MEGF11: variants seen among roughly 807,000 people sequenced by gnomAD.
The protein encoded by MEGF11 is multiple EGF like domains 11.
Under a neutral mutation model 146.6 loss-of-function variants are expected in MEGF11, and 126 were observed. The ratio of observed to expected loss-of-function variants is 0.86; its 90% CI spans 0.74 to 1.00. MEGF11 has a LOEUF of 1.00. MEGF11 is among the 50% of genes least tolerant of loss of function. The probability of loss-of-function intolerance (pLI) is 0.00; values close to 1 mark genes in which losing one functional copy is unlikely to be tolerated. For synonymous variants in MEGF11, 532 were observed against 583.4 expected (o/e 0.91, Z 1.27); for missense variants, 1,509 against 1,521.2 (o/e 0.99, Z 0.13).
chr15:66,066,723 C>T (rs2140443142), intron 5 of MEGF11, among the ~76,000 whole-genome samples: 1 of 152,366 alleles, frequency 6.6e-6, no homozygotes, highest in Non-Finnish European at 1.5e-5. Context: ...GAGGGCTGAG[C>T]CTGCCTCCTT....
chr15:65,982,025 T>A lies in MEGF11; in HGVS notation c.641+217A>T, dbSNP rs1265766166. On this transcript the variant is annotated intron_variant, in intron 6 of 25. Coordinates refer to ENST00000395614, the MANE Select transcript of MEGF11 (RefSeq NM_001385028.1). The surrounding 1 kb of genome is among the most constrained non-coding windows in gnomAD (Gnocchi z 5.6). ...ACCTGCGTGGGTGAGGCCTGGGCAT[T>A]TAGACTCACAGGAGATTTCACAGCC... 6.6e-6 allele frequency among the ~76,000 whole-genome samples: 1 copy of A among 152,092 alleles called. No individual in the cohort carries two copies. The highest frequency in any genetic ancestry group is 1.5e-5 in the Non-Finnish European group (1 of 68,002).
chr15:66,101,628 C>T (rs2086813256), intron 4 of MEGF11, among the ~76,000 whole-genome samples: 1 of 152,174 alleles, frequency 6.6e-6, no homozygotes, highest in Non-Finnish European at 1.5e-5. Context: ...AGCATGATGC[C>T]CGGCACATGG....
intron 1 of MEGF11, among the ~76,000 whole-genome samples, chr15:66,230,684 A>G (rs1434676179): frequency 1.3e-5 from 2 of 152,266 alleles, no homozygotes; most frequent in East Asian, 3.8e-4. Context: ...AGATGAAACA[A>G]GATAGGCAAA....
At chr15:66,188,785 C>T (rs531305223) in intron 1 of MEGF11, among the ~76,000 whole-genome samples, 2 of 152,346 alleles carry the variant, frequency 1.3e-5, no homozygotes, top group South Asian at 4.1e-4. Context: ...CCACAGAGCA[C>T]CAGGTACCAA....
At chr15:66,073,055 T>A (rs1413429422) in intron 5 of MEGF11, among the ~76,000 whole-genome samples, 1 of 152,112 alleles carries the variant, frequency 6.6e-6, no homozygotes, top group Non-Finnish European at 1.5e-5. Context: ...AGGGAATGAG[T>A]CAGAGGAGGA....
chr15:66,146,443 A>G lies in MEGF11; in HGVS notation c.-8-18032T>C, dbSNP rs117245103. ...TGTCTAACTGAAGTTCCCAGGAGAG[A>G]TGGAGATAAACCAAAGGCCACCGTT... On this transcript the variant is annotated intron_variant, in intron 1 of 25. Coordinates refer to ENST00000395614, the MANE Select transcript of MEGF11 (RefSeq NM_001385028.1). Among the ~76,000 whole-genome samples the G allele has an allele frequency of 4.1e-3, 620 of 151,766 alleles. 3 individuals are homozygous for G. The highest frequency in any genetic ancestry group is 5.3e-3 in the Non-Finnish European group (361 of 67,960).
At position 65,898,530 on chromosome 15, in the gene MEGF11, A is replaced by C. The variant is rs1048598160; in HGVS notation, c.3262+198T>G. Reference sequence around the variant, plus strand: ...TATTAGTCCTGGTGTTTTTTAAAGCAGAGTTGGTACAATAATTTGACTTCC... The same window carrying C: ...TATTAGTCCTGGTGTTTTTTAAAGCCGAGTTGGTACAATAATTTGACTTCC... On this transcript the variant is annotated intron_variant, in intron 25 of 25. Coordinates refer to ENST00000395614, the MANE Select transcript of MEGF11 (RefSeq NM_001385028.1). 3.0e-6 allele frequency: 3 copies of C among 985,230 alleles called. No individual in the cohort carries two copies. The African/African-American group carries it at 5.2e-5, about 17-fold the overall frequency. The allele number at this position is 985,230 out of a possible 1,614,324, so 61.0% of individuals were successfully genotyped here.
intron 1 of MEGF11, among the ~76,000 whole-genome samples, chr15:66,154,116 C>T (rs1446071761): frequency 2.6e-5 from 4 of 152,224 alleles, no homozygotes; most frequent in Non-Finnish European, 5.9e-5. Flanking sequence ...TCTCTGACAC[C>T]CACCAATGAG....
chr15:65,916,406 A>T, intron 17 of MEGF11, 130 bp from the exon 18 acceptor site: 1 of 1,186,050 alleles, frequency 8.4e-7, no homozygotes, highest in South Asian at 1.6e-5. Flanking sequence ...ACCCTGCACC[A>T]GAGTTGTCTC....
chr15:66,199,656 A>T (rs950517588), intron 1 of MEGF11, among the ~76,000 whole-genome samples: 5 of 152,056 alleles, frequency 3.3e-5, no homozygotes, highest in Non-Finnish European at 5.9e-5. Flanking sequence ...GGGCATAGTG[A>T]TGTGTTCCTG....
intron 14 of MEGF11, 30 bp downstream of exon 14, chr15:65,922,793 A>G: frequency 6.2e-7 from 1 of 1,611,628 alleles, no homozygotes; most frequent in Non-Finnish European, 8.5e-7. Context: ...TAGCCCTCTG[A>G]GCTCTTCGGG....
intron 1 of MEGF11, among the ~76,000 whole-genome samples, chr15:66,162,253 T>C (rs1410631410): frequency 1.3e-5 from 2 of 152,204 alleles, no homozygotes; most frequent in Non-Finnish European, 2.9e-5. Flanking sequence ...AGTGGCCCGA[T>C]GGCAGTGATG....
chr15:65,975,954 C>G (rs1257738833), intron 7 of MEGF11, among the ~76,000 whole-genome samples: 2 of 151,600 alleles, frequency 1.3e-5, no homozygotes, highest in Non-Finnish European at 2.9e-5. Context: ...GGGGAGAGAG[C>G]AGCCAGAGAA....
chr15:65,987,899 T>C (rs1214032504), intron 5 of MEGF11, among the ~76,000 whole-genome samples: 1 of 151,836 alleles, frequency 6.6e-6, no homozygotes. Flanking sequence ...TTAGTACAGA[T>C]GGGGTTTCAC....
intron 1 of MEGF11, among the ~76,000 whole-genome samples, chr15:66,244,873 C>T (rs1185603146): frequency 1.3e-5 from 2 of 152,118 alleles, no homozygotes; most frequent in Non-Finnish European, 2.9e-5. Flanking sequence ...CTGGCCACGA[C>T]CCTGGGTATA....
At chr15:66,103,858 C>T (rs1439552815) in intron 4 of MEGF11, among the ~76,000 whole-genome samples, 1 of 152,220 alleles carries the variant, frequency 6.6e-6, no homozygotes, top group Non-Finnish European at 1.5e-5. Flanking sequence ...CTTTACAGCA[C>T]AGACCCCCAG....
chr15:66,119,187 C>T lies in MEGF11; in HGVS notation c.201-1G>A. Reference sequence around the variant, plus strand: ...CCGATACGCCGTCTTATAACTGATCCTAAGGCACAAGGGAGAAAGCCACTT... The same window carrying T: ...CCGATACGCCGTCTTATAACTGATCTTAAGGCACAAGGGAGAAAGCCACTT... On this transcript the variant is annotated splice_acceptor_variant, in intron 3 of 25. Transcript: ENST00000395614. LOFTEE classifies it high-confidence loss of function. The T allele has an allele frequency of 6.5e-7, 1 of 1,549,780 alleles. No individual in the cohort carries two copies. The highest frequency in any genetic ancestry group is 8.7e-7 in the Non-Finnish European group (1 of 1,145,830).
chr15:66,170,427 T>C (rs1205375493), intron 1 of MEGF11, among the ~76,000 whole-genome samples: 1 of 152,008 alleles, frequency 6.6e-6, no homozygotes, highest in Non-Finnish European at 1.5e-5. Flanking sequence ...GACAGCAGAG[T>C]CTCTTACAGG....
At chr15:66,036,158 C>A (rs561279104) in intron 5 of MEGF11, among the ~76,000 whole-genome samples, 1 of 152,258 alleles carries the variant, frequency 6.6e-6, no homozygotes, top group Non-Finnish European at 1.5e-5. Flanking sequence ...CAGTGATAAC[C>A]ACCCCAGGTC....
Sources: allele counts gnomAD v4.1 joint callset (sites outside exome capture counted in the v4.1 genomes callset), GRCh38; gene constraint gnomAD v4.1.1; non-coding constraint Gnocchi (gnomAD v3.1); transcripts MANE v1.5; gene names NCBI Gene and HGNC (gene_info 2026-07-23, HGNC 2026-07-21).